Variants in FAM149B1 observed in about 807,000 individuals in gnomAD.
The protein encoded by FAM149B1 is family with sequence similarity 149 member B1.
In FAM149B1, 56 loss-of-function variants were observed where a neutral mutation model predicts 75.3. The ratio of observed to expected loss-of-function variants is 0.74; its 90% CI spans 0.60 to 0.93. FAM149B1 has a LOEUF of 0.93. FAM149B1 is among the 40% of genes least tolerant of loss of function. The pLI is 0.00. For synonymous variants in FAM149B1, 259 were observed against 256.1 expected, an observed-to-expected ratio of 1.01 and a Z score of -0.11; for missense variants, 639 against 708.4, an observed-to-expected ratio of 0.90 and a Z score of 1.11.
At chr10:73,237,272 A>C (rs960826463) in intron 12 of FAM149B1, among the ~76,000 whole-genome samples, 2 of 152,204 alleles carry the variant, frequency 1.3e-5, no homozygotes, top group African/African-American at 2.4e-5. Flanking sequence ...AAACAAGAAA[A>C]GGAAACATGA....
chr10:73,216,481 TGTC>T (rs2043302235), intron 7 of FAM149B1, among the ~76,000 whole-genome samples: 2 of 149,016 alleles, frequency 1.3e-5, no homozygotes, highest in African/African-American at 5.0e-5. Context: ...TCTTTTTCTC[TGTC>T]TTTTGTCTTT....
chr10:73,239,652 C>CTT (rs34824883), intron 13 of FAM149B1, among the ~76,000 whole-genome samples: 5 of 140,558 alleles, frequency 3.6e-5, no homozygotes, highest in Admixed American at 7.1e-5. Context: ...GGTAAACTGC[C>CTT]TTTTTTTTTT....
At chr10:73,182,814 G>A (rs1414609830) in intron 3 of FAM149B1, among the ~76,000 whole-genome samples, 1 of 152,144 alleles carries the variant, frequency 6.6e-6, no homozygotes, top group Non-Finnish European at 1.5e-5. Flanking sequence ...ATAAATTCCT[G>A]ACCCACATAA....
chr10:73,230,693 G>GT (rs1697243576), intron 9 of FAM149B1, 168 bp downstream of exon 9: 4 of 556,222 alleles, frequency 7.2e-6, no homozygotes, highest in African/African-American at 1.9e-5. Flanking sequence ...GGCTGATAAT[G>GT]TAACTGGAAA....
intron 5 of FAM149B1, among the ~76,000 whole-genome samples, chr10:73,201,879 TAGC>T (rs1312925574): frequency 2.0e-5 from 3 of 151,274 alleles, no homozygotes; most frequent in Admixed American, 1.3e-4. Context: ...AAAAAGGAAA[TAGC>T]AGCCAGGAGC....
Position 73,193,536 on chromosome 10 carries a change from C to G in FAM149B1, c.485C>G (p.Pro162Arg), listed in dbSNP as rs533399071. The G allele has an allele frequency of 4.9e-4, 763 of 1,550,792 alleles. 5 individuals are homozygous for G. The highest frequency in any genetic ancestry group is 3.3e-3 in the Middle Eastern group (19 of 5,796). ...GGTTATAGATTGTATCCTAGATCCCCTTCTGCTGTTTCCGCTTCATATGAA... is the reference window on the plus strand; with the variant it reads ...GGTTATAGATTGTATCCTAGATCCCGTTCTGCTGTTTCCGCTTCATATGAA... ...SEGYRLYPRS[P>R]SAVSASYETT... Residue 162 changes from proline to arginine, a missense_variant, in exon 5 of 14, where the codon CCT (proline) becomes CGT (arginine). By Grantham distance (103) the Pro-to-Arg change is moderately radical. Transcript: ENST00000242505.
rs2043974950 is a variant in FAM149B1, at chr10:73,243,370, A to C, written c.*2351A>C. 6.2e-7 allele frequency: 1 copy of C among 1,610,552 alleles called. No individual in the cohort carries two copies. The highest frequency in any genetic ancestry group is 1.3e-5 in the African/African-American group (1 of 74,754). On this transcript the variant is annotated 3_prime_UTR_variant, in exon 14 of 14. Transcript: ENST00000242505. ...CTTGCCTACGATGGCATCAATTTAC[A>C]CCTAAGGACCTTTGAAGAGAAAAAT...
At chr10:73,217,579 A>G (rs2043325458) in intron 7 of FAM149B1, among the ~76,000 whole-genome samples, 1 of 152,230 alleles carries the variant, frequency 6.6e-6, no homozygotes, top group Non-Finnish European at 1.5e-5. Context: ...TATTCTTAGA[A>G]GAATACAGTT....
chr10:73,174,965 C>T (rs964935891), intron 2 of FAM149B1, among the ~76,000 whole-genome samples, 174 bp downstream of exon 2: 1 of 152,184 alleles, frequency 6.6e-6, no homozygotes, highest in African/African-American at 2.4e-5. Flanking sequence ...CAACATCATA[C>T]ATATTTTCAT....
Position 73,243,734 on chromosome 10 carries a change from G to A in FAM149B1, c.*2715G>A, listed in dbSNP as rs1255526830. 8.8e-7 allele frequency: 1 copy of A among 1,138,098 alleles called. No homozygotes were observed. 70.5% of individuals were successfully genotyped at this position (1,138,098 alleles called of 1,614,324 possible). A position where few individuals can be genotyped will look rare whatever the true frequency, so the allele number is the denominator to read the frequency against. The stretch of plus-strand genomic sequence containing the variant: ...GTACACTTTAAAAGGACAAATAGAA[G>A]GTATGCGGTTATGTCTTAAAAGAAG... On this transcript the variant is annotated 3_prime_UTR_variant, in exon 14 of 14. Coordinates refer to ENST00000242505, the MANE Select transcript of FAM149B1 (RefSeq NM_173348.2).
intron 8 of FAM149B1, 101 bp downstream of exon 8, chr10:73,228,285 T>C (rs1167875600): frequency 2.1e-6 from 2 of 944,930 alleles, no homozygotes; most frequent in Admixed American, 2.3e-5. Flanking sequence ...TGACTCAATA[T>C]GTTTTAGTAC....
At chr10:73,172,138 G>A (rs565600090) in intron 1 of FAM149B1, among the ~76,000 whole-genome samples, 2 of 152,142 alleles carry the variant, frequency 1.3e-5, no homozygotes, top group African/African-American at 4.8e-5. Flanking sequence ...ACTAAAAAAT[G>A]TCTTAAGTCT....
Position 73,168,154 on chromosome 10 carries a change from G to A in FAM149B1, c.-186G>A. On this transcript the variant is annotated 5_prime_UTR_variant, in exon 1 of 14. Coordinates refer to ENST00000242505, the MANE Select transcript of FAM149B1 (RefSeq NM_173348.2). ...CCGCGGCAAAGCAGGGAGGTCGGAG[G>A]ACTGGAGAGGTGGGGACCCTGGGGA... 1.6e-6 allele frequency: 1 copy of A among 614,912 alleles called. No individual in the cohort carries two copies. The highest frequency in any genetic ancestry group is 3.1e-5 in the East Asian group (1 of 32,348). The allele number at this position is 614,912 out of a possible 1,614,324, so 38.1% of individuals were successfully genotyped here.
At chr10:73,193,705 A>T (rs1175780378) in intron 5 of FAM149B1, 112 bp downstream of exon 5, 1 of 1,002,400 alleles carries the variant, frequency 1.0e-6, no homozygotes, top group Non-Finnish European at 1.4e-6. Flanking sequence ...GTATTTAGTA[A>T]AGCATAGCAA....
At chr10:73,203,097 G>A (rs1454220271) in intron 5 of FAM149B1, among the ~76,000 whole-genome samples, 1 of 152,166 alleles carries the variant, frequency 6.6e-6, no homozygotes, top group African/African-American at 2.4e-5. Flanking sequence ...TATCATGTTA[G>A]CCCACGGTGT....
At chr10:73,188,091 A>G (rs914869917) in intron 3 of FAM149B1, among the ~76,000 whole-genome samples, 3 of 152,104 alleles carry the variant, frequency 2.0e-5, no homozygotes, top group African/African-American at 7.2e-5. Flanking sequence ...TCAAAACAAC[A>G]ACAACAACAA....
intron 7 of FAM149B1, among the ~76,000 whole-genome samples, chr10:73,227,736 G>A (rs953863822): frequency 1.3e-5 from 2 of 152,264 alleles, no homozygotes; most frequent in African/African-American, 4.8e-5. Flanking sequence ...ATAGCTATAG[G>A]AGGGTGGTGG....
chr10:73,202,080 A>C (rs986476518), intron 5 of FAM149B1, among the ~76,000 whole-genome samples: 4 of 152,146 alleles, frequency 2.6e-5, no homozygotes, highest in African/African-American at 7.2e-5. Context: ...CAGGAGAGTC[A>C]CTTGAACCCT....
At chr10:73,211,271 CTGAAAAAG>C (rs1425225222) in intron 7 of FAM149B1, among the ~76,000 whole-genome samples, 1 of 152,122 alleles carries the variant, frequency 6.6e-6, no homozygotes, top group African/African-American at 2.4e-5. Flanking sequence ...AGGGGTGGGG[CTGAAAAAG>C]TGAAAAAGTT....
Sources: allele counts gnomAD v4.1 joint callset (sites outside exome capture counted in the v4.1 genomes callset), GRCh38; gene constraint gnomAD v4.1.1; transcripts MANE v1.5; gene names NCBI Gene and HGNC (gene_info 2026-07-23, HGNC 2026-07-21).